The following MTOR variants were observed in gnomAD, a reference collection of about 807,000 sequenced individuals.
MTOR encodes serine/threonine-protein kinase mTOR.
In MTOR, 70 loss-of-function variants were observed where a neutral mutation model predicts 319.8. The observed-to-expected ratio is 0.22, with a 90% CI of 0.18 to 0.27. MTOR has a LOEUF of 0.27. Among genes scored for constraint, MTOR ranks in the 10% least tolerant of loss-of-function variants. The pLI, the probability that MTOR is intolerant of heterozygous loss-of-function variation, is 1.00. For missense variants in MTOR, 1,890 were observed against 3,274.4 expected (o/e 0.58, Z 10.32); for synonymous variants, 1,183 against 1,211.4 (o/e 0.98, Z 0.49).
chr1:11,189,917 A>AG lies in MTOR; in HGVS notation c.4253+9340dup. On this transcript the variant is annotated intron_variant, in intron 28 of 57. Coordinates refer to ENST00000361445, the MANE Select transcript of MTOR (RefSeq NM_004958.4). ...ATGAACAACCAAATTGACATCATGC[A>AG]GCTGCAGGCAGCACAGACGGTCACT... 1.9e-6 allele frequency: 3 copies of AG among 1,613,698 alleles called. No individual in the cohort carries two copies. In the South Asian group the frequency reaches 3.3e-5, roughly 18 times the overall value.
intron 6 of MTOR, among the ~76,000 whole-genome samples, chr1:11,252,847 A>G (rs1336715805): frequency 6.6e-6 from 1 of 152,148 alleles, no homozygotes; most frequent in Non-Finnish European, 1.5e-5. Context: ...AGTCAAAGCC[A>G]CCACTGTCAC....
At chr1:11,192,356 A>T in intron 28 of MTOR, 1 of 1,613,406 alleles carries the variant, frequency 6.2e-7, no homozygotes, top group African/African-American at 1.3e-5. Context: ...CTTCCTGGGC[A>T]GCCCTGAACT....
chr1:11,233,167 A>C (rs755542013), intron 15 of MTOR: 9 of 919,458 alleles, frequency 9.8e-6, no homozygotes, highest in Non-Finnish European at 1.4e-5. Flanking sequence ...GAAGGTCACA[A>C]TGATATTACC....
At chr1:11,179,880 T>C (rs1189648290) in intron 28 of MTOR, among the ~76,000 whole-genome samples, 1 of 152,256 alleles carries the variant, frequency 6.6e-6, no homozygotes. Context: ...CTGGCCCTTC[T>C]GAAGTCAGCA....
chr1:11,160,578 C>T (rs1644448423), intron 29 of MTOR, among the ~76,000 whole-genome samples: 1 of 152,192 alleles, frequency 6.6e-6, no homozygotes, highest in East Asian at 1.9e-4. Context: ...TTTATTCACT[C>T]TGTCAGCTCA....
Position 11,114,536 on chromosome 1 carries a change from T to TAGGAAGCAGACACAGGCC in MTOR, c.7165-101_7165-84dup. ...GCCGAGGGGGTCTGTTACCCTCACT[T>TAGGAAGCAGACACAGGCC]AGGAAGCAGACACAGGCCATGTTGA... On this transcript the variant is annotated intron_variant, in intron 52 of 57. Coordinates refer to ENST00000361445, the MANE Select transcript of MTOR (RefSeq NM_004958.4). 5 of 1,572,664 alleles carry TAGGAAGCAGACACAGGCC rather than the reference T, an allele frequency of 3.2e-6. No homozygotes were observed. In the South Asian group the frequency reaches 5.8e-5, roughly 18 times the overall value.
At chr1:11,126,321 T>C (rs1346424483) in intron 46 of MTOR, among the ~76,000 whole-genome samples, 1 of 152,128 alleles carries the variant, frequency 6.6e-6, no homozygotes, top group Non-Finnish European at 1.5e-5. Flanking sequence ...AGCTGCCTCC[T>C]CCCTGGCCTC....
chr1:11,228,115 G>A (rs1646904478), intron 19 of MTOR, among the ~76,000 whole-genome samples: 1 of 151,862 alleles, frequency 6.6e-6, no homozygotes, highest in African/African-American at 2.4e-5. Context: ...TTCTATTTGT[G>A]GGGCATCTAC....
intron 9 of MTOR, 52 bp downstream of exon 9, chr1:11,243,062 T>G: frequency 1.2e-6 from 2 of 1,602,682 alleles, no homozygotes; most frequent in Non-Finnish European, 1.7e-6. Flanking sequence ...TAGAGCGTCC[T>G]TCCTCTCCAA....
chr1:11,184,797 T>C (rs1345512567), intron 28 of MTOR, among the ~76,000 whole-genome samples: 1 of 152,184 alleles, frequency 6.6e-6, no homozygotes, highest in Admixed American at 6.5e-5. Context: ...CTGGTGGAAC[T>C]CAGGAAAACA....
At chr1:11,240,673 A>G in intron 10 of MTOR, 126 bp from the exon 11 acceptor site, 37 of 1,216,906 alleles carry the variant, frequency 3.0e-5, no homozygotes, top group Non-Finnish European at 4.0e-5. Context: ...AAAGGATATT[A>G]TAAAATAAGA....
chr1:11,216,438 G>A (rs150010685), intron 19 of MTOR, among the ~76,000 whole-genome samples: 1 of 152,160 alleles, frequency 6.6e-6, no homozygotes, highest in Admixed American at 6.5e-5. Context: ...AGGACTGCTT[G>A]AGGCCAAGAT....
At chr1:11,173,354 G>A (rs749974626) in intron 28 of MTOR, among the ~76,000 whole-genome samples, 6 of 151,884 alleles carry the variant, frequency 4.0e-5, no homozygotes, top group African/African-American at 9.7e-5. Flanking sequence ...GCAATGGTGC[G>A]ATCTCAGGCC....
At chr1:11,232,677 C>T (rs1042773954) in intron 15 of MTOR, 149 bp from the exon 16 acceptor site, 19 of 595,182 alleles carry the variant, frequency 3.2e-5, no homozygotes, top group Non-Finnish European at 4.7e-5. Context: ...GAGCTCCAGA[C>T]CAGCCTAGCC....
In MTOR at chr1:11,199,685, T is replaced by C. The variant is rs1381870723; in HGVS notation, c.3963A>G (p.Ala1321=). The change falls in exon 27 of 58, where the codon GCA becomes GCG. Residue 1321 remains alanine (A), a synonymous_variant. Transcript: ENST00000361445. The surrounding 1 kb of genome is among the most constrained non-coding windows in gnomAD (Gnocchi z 4.5). ...NPMARDLFNA[A]FVSCWSELNE... The stretch of plus-strand genomic sequence containing the variant: ...TCAGTTCAGACCAGCAGGACACAAA[T>C]GCAGCATTGAAGAGATCCCTGAAGG... 9 of 1,614,064 alleles carry C rather than the reference T, an allele frequency of 5.6e-6. No individual in the cohort carries two copies. In the African/African-American group the frequency reaches 8.0e-5, roughly 14 times the overall value.
chr1:11,172,545 G>T (rs1283552399), intron 28 of MTOR, among the ~76,000 whole-genome samples: 1 of 117,764 alleles, frequency 8.5e-6, no homozygotes, highest in Non-Finnish European at 1.7e-5. Context: ...GGGTGACCGC[G>T]AGACTCTGTC....
chr1:11,231,223 T>C (rs1457033070), intron 17 of MTOR, 77 bp downstream of exon 17: 5 of 1,599,072 alleles, frequency 3.1e-6, no homozygotes, highest in Admixed American at 3.4e-5. Context: ...TGTCAGAGCA[T>C]GTTAATGCTG....
In MTOR at chr1:11,243,277, T is replaced by C. The variant is rs778680709; in HGVS notation, c.1249A>G (p.Met417Val). 1.7e-5 allele frequency: 28 copies of C among 1,614,194 alleles called. No individual in the cohort carries two copies. The highest frequency in any genetic ancestry group is 2.3e-5 in the Non-Finnish European group (27 of 1,180,014). ...TTGACACAGCTTAGGACATGGTTCA[T>C]GGTATCTTGGAGATACTGGGTATCT... ...FTDTQYLQDT[M>V]NHVLSCVKKE... The change falls in exon 9 of 58, where the codon ATG becomes GTG. Residue 417 changes from methionine (M) to valine (V), a missense_variant. Around this residue, in one of 15 missense-constraint regions of MTOR, gnomAD observed 418 missense variants for 543.1 expected, o/e 0.77. Transcript: ENST00000361445.
At chr1:11,233,252 A>G in intron 15 of MTOR, 146 bp downstream of exon 15, 1 of 818,374 alleles carries the variant, frequency 1.2e-6, no homozygotes, top group Non-Finnish European at 2.0e-6. Context: ...TTCTCTCTGA[A>G]TCTGTTATGA....
Sources: allele counts gnomAD v4.1 joint callset (sites outside exome capture counted in the v4.1 genomes callset), GRCh38; gene constraint gnomAD v4.1.1; regional missense constraint gnomAD v4.1.1; non-coding constraint Gnocchi (gnomAD v3.1); transcripts MANE v1.5; gene names NCBI Gene and HGNC (gene_info 2026-07-23, HGNC 2026-07-21).